TEF: variants seen among roughly 807,000 people sequenced by gnomAD.
TEF encodes the protein thyrotroph embryonic factor.
In TEF, 3 loss-of-function variants were observed where a neutral mutation model predicts 20.8. The ratio of observed to expected loss-of-function variants is 0.14; its 90% CI spans 0.07 to 0.37. The LOEUF (loss-of-function observed/expected upper bound fraction) is 0.37. Among genes scored for constraint, TEF ranks in the 10% least tolerant of loss-of-function variants. The pLI is 1.00. For missense variants in TEF, 296 were observed against 397.9 expected, an observed-to-expected ratio of 0.74 and a Z score of 2.18; for synonymous variants, 180 against 171.1, an observed-to-expected ratio of 1.05 and a Z score of -0.41.
At chr22:41,381,843 C>T (rs909995274), upstream of TEF, 3 of 1,205,506 alleles carry the variant, frequency 2.5e-6, no homozygotes, top group Middle Eastern at 3.2e-4. Context: ...AGCAACGATC[C>T]GGGGAAGCTG....
Position 41,394,275 on chromosome 22 carries a change from A to C in TEF, c.655A>C (p.Ile219Leu). ...AEEDLKPQPM[I>L]KKAKKVFVPD... Reference sequence around the variant, plus strand: ...GGAGGACCTGAAGCCCCAGCCTATGATCAAAAAGGCCAAGAAGGTCTTTGT... The same window carrying C: ...GGAGGACCTGAAGCCCCAGCCTATGCTCAAAAAGGCCAAGAAGGTCTTTGT... Residue 219 changes from isoleucine to leucine, a missense_variant, in exon 3 of 4, where the codon ATC (isoleucine) becomes CTC (leucine). By Grantham distance (5) the Ile-to-Leu change is conservative. Coordinates refer to ENST00000266304, the MANE Select transcript of TEF (RefSeq NM_003216.4). The C allele has an allele frequency of 6.2e-7, 1 of 1,614,126 alleles. No individual in the cohort carries two copies. The highest frequency in any genetic ancestry group is 8.5e-7 in the Non-Finnish European group (1 of 1,180,014).
intron 1 of TEF, among the ~76,000 whole-genome samples, chr22:41,374,527 G>C (rs888407248): frequency 1.3e-5 from 2 of 151,464 alleles, no homozygotes; most frequent in Non-Finnish European, 2.9e-5. Flanking sequence ...ACTCCAGCCT[G>C]GACAACTGAG....
rs1022196863 is a variant in TEF at position 41,391,039 on chromosome 22, A to G, written c.476-3057A>G. On this transcript the variant is annotated intron_variant, in intron 2 of 3. Coordinates refer to ENST00000266304, the MANE Select transcript of TEF (RefSeq NM_003216.4). ...CTGAGCTGCTTGTCTTGCAGGTACT[A>G]GGTTTGGCATGCCCGAAACTGCCTA... Among the ~76,000 whole-genome samples the G allele has an allele frequency of 2.0e-5, 3 of 152,122 alleles. No homozygotes were observed. In the South Asian group the frequency reaches 6.2e-4, roughly 31 times the overall value.
In TEF at chr22:41,387,613, C is replaced by G. The variant is rs954798292; in HGVS notation, c.420C>G (p.Ser140=). The change falls in exon 2 of 4, where the codon TCC becomes TCG. Residue 140 remains serine, a synonymous_variant. Coordinates refer to ENST00000266304, the MANE Select transcript of TEF (RefSeq NM_003216.4). ...AGTCTGCCAGCTCTTCCACAGCATC[C>G]CCACCATCCTCCTCCACTGCCATCT... is the stretch of plus-strand genomic sequence containing the variant. ...GKESASSSTA[S]PPSSSTAIFQ... 1 of 1,614,174 alleles carries G rather than the reference C, an allele frequency of 6.2e-7. No individual in the cohort carries two copies. The highest frequency in any genetic ancestry group is 8.5e-7 in the Non-Finnish European group (1 of 1,180,026).
At chr22:41,380,601 T>G (rs2037004966), upstream of TEF, among the ~76,000 whole-genome samples, 1 of 152,184 alleles carries the variant, frequency 6.6e-6, no homozygotes, top group Non-Finnish European at 1.5e-5. Flanking sequence ...GTAGGGATGC[T>G]GGATAAACAA....
intron 1 of TEF, among the ~76,000 whole-genome samples, chr22:41,387,058 AAAAT>A (rs2037106425): frequency 6.6e-6 from 1 of 152,176 alleles, no homozygotes; most frequent in African/African-American, 2.4e-5. Context: ...AATAAAAACT[AAAAT>A]AAAATTAAAT....
In TEF at chr22:41,396,780, G is replaced by A. The variant is rs2037234332; in HGVS notation, c.*820G>A. On this transcript the variant is annotated 3_prime_UTR_variant, in exon 4 of 4. Coordinates refer to ENST00000266304, the MANE Select transcript of TEF (RefSeq NM_003216.4). ...CATGTGAAGCTCGTTTGTCCCACTAGACCAGGCCTCTGGGCCTGCTCTTTC... is the reference window on the plus strand; with the variant it reads ...CATGTGAAGCTCGTTTGTCCCACTAAACCAGGCCTCTGGGCCTGCTCTTTC... 2.5e-6 allele frequency: 1 copy of A among 396,008 alleles called. No individual in the cohort carries two copies. The highest frequency in any genetic ancestry group is 4.4e-5 in the Admixed American group (1 of 22,650). The allele number at this position is 396,008 out of a possible 1,614,324, so 24.5% of individuals were successfully genotyped here.
chr22:41,370,200 T>G (rs375126787), intron 1 of TEF: 1 of 675,476 alleles, frequency 1.5e-6, no homozygotes, highest in African/African-American at 2.0e-5. Context: ...CTGCAACCTC[T>G]GCCTCCTGGG....
chr22:41,386,775 C>A (rs1448046842), intron 1 of TEF, among the ~76,000 whole-genome samples: 1 of 150,918 alleles, frequency 6.6e-6, no homozygotes, highest in Non-Finnish European at 1.5e-5. Flanking sequence ...TAAAACAGGC[C>A]AGGCATAGTG....
intron 1 of TEF, 124 bp downstream of exon 1, chr22:41,382,325 C>T: frequency 1.1e-6 from 1 of 886,382 alleles, no homozygotes; most frequent in East Asian, 3.3e-5. Flanking sequence ...GGGGATGGGG[C>T]CTGGATGACC....
intron 2 of TEF, among the ~76,000 whole-genome samples, chr22:41,393,773 CAAAAAAAAAA>C (rs879096914): frequency 1.7e-5 from 1 of 60,308 alleles, no homozygotes. Context: ...ACTCCCATCT[CAAAAAAAAAA>C]AAAAAAAAAA....
chr22:41,395,810 G>A lies in TEF; in HGVS notation c.762G>A (p.Arg254=). The A allele has an allele frequency of 6.2e-7, 1 of 1,614,200 alleles. No individual in the cohort carries two copies. Among genetic ancestry groups the A allele is most frequent in the African/African-American group, 1.3e-5 (1 of 75,056 alleles). Residue 254 remains arginine, a synonymous_variant, in exon 4 of 4, where the codon CGG becomes CGA. Transcript: ENST00000266304. The part of the protein sequence containing the change: ...NVAAKRSRDA[R]RLKENQITIR... ...CAGCTAAACGGTCACGGGATGCCCG[G>A]CGCCTGAAAGAGAATCAGATCACCA...
intron 1 of TEF, chr22:41,370,095 ACTTT>A (rs1427665469): frequency 6.1e-6 from 6 of 982,778 alleles, no homozygotes; most frequent in Non-Finnish European, 7.2e-6. Flanking sequence ...CTCTCACTCC[ACTTT>A]CTTTTATTTT....
upstream of TEF, among the ~76,000 whole-genome samples, chr22:41,378,048 G>A (rs1180763341): frequency 2.0e-5 from 3 of 151,912 alleles, no homozygotes; most frequent in Non-Finnish European, 4.4e-5. Flanking sequence ...TTGAGAATGG[G>A]TTTTTCTTCC....
chr22:41,382,306 C>G, intron 1 of TEF, 105 bp downstream of exon 1: 2 of 1,006,082 alleles, frequency 2.0e-6, no homozygotes, highest in Non-Finnish European at 2.5e-6. Context: ...GAGCAGTGGT[C>G]CAGCGGAGGG....
At chr22:41,395,411 G>T (rs1294736613) in intron 3 of TEF, among the ~76,000 whole-genome samples, 8 of 152,132 alleles carry the variant, frequency 5.3e-5, no homozygotes, top group Non-Finnish European at 1.0e-4. Context: ...TGAACTCGGG[G>T]ATCTAGGCCC....
chr22:41,380,874 G>A (rs916196170), upstream of TEF, among the ~76,000 whole-genome samples: 1 of 152,184 alleles, frequency 6.6e-6, no homozygotes, highest in African/African-American at 2.4e-5. Context: ...TGTTTTCTAG[G>A]TAAAAGAAGG....
At chr22:41,378,316 TCGC>T (rs1486183533), upstream of TEF, among the ~76,000 whole-genome samples, 4 of 143,906 alleles carry the variant, frequency 2.8e-5, no homozygotes, top group African/African-American at 1.0e-4. Context: ...TTACAGGCAC[TCGC>T]CACCACGCCC....
intron 1 of TEF, among the ~76,000 whole-genome samples, chr22:41,368,256 GATAA>G (rs1342667299): frequency 6.6e-6 from 1 of 150,430 alleles, no homozygotes; most frequent in Non-Finnish European, 1.5e-5. Context: ...GGAGAATACT[GATAA>G]ATCTCTCTCC....
Sources: allele counts gnomAD v4.1 joint callset (sites outside exome capture counted in the v4.1 genomes callset), GRCh38; gene constraint gnomAD v4.1.1; transcripts MANE v1.5; gene names NCBI Gene and HGNC (gene_info 2026-07-23, HGNC 2026-07-21).